The following TMEM40 variants were observed in gnomAD, a reference collection of about 807,000 sequenced individuals.
TMEM40 encodes transmembrane protein 40.
In TMEM40, 34 loss-of-function variants were observed where a neutral mutation model predicts 40.8. The ratio of observed to expected loss-of-function variants is 0.83; its 90% CI spans 0.63 to 1.11. TMEM40 has a LOEUF of 1.11. Ranked by LOEUF, TMEM40 falls within the 50% of genes least tolerant of loss-of-function variation. TMEM40 has a pLI of 0.00. For missense variants in TMEM40, 296 were observed against 280.2 expected (o/e 1.06, Z -0.40); for synonymous variants, 106 against 107.0 (o/e 0.99, Z 0.06).
chr3:12,754,049 G>A (rs1041316609), intron 1 of TMEM40, among the ~76,000 whole-genome samples: 5 of 152,172 alleles, frequency 3.3e-5, no homozygotes, highest in Admixed American at 1.3e-4. Context: ...AGGAATTTGC[G>A]CAGGTCATGG....
chr3:12,757,238 G>A (rs1197603709), intron 1 of TMEM40, among the ~76,000 whole-genome samples: 3 of 152,190 alleles, frequency 2.0e-5, no homozygotes, highest in Non-Finnish European at 2.9e-5. Context: ...GGGAGGCTGA[G>A]GCGGGCGGAT....
chr3:12,753,866 C>A (rs2106618929), intron 1 of TMEM40, among the ~76,000 whole-genome samples: 1 of 152,372 alleles, frequency 6.6e-6, no homozygotes, highest in African/African-American at 2.4e-5. Context: ...TGAGCTTCTG[C>A]TGTCACAGGG....
chr3:12,768,611 T>C (rs1484282431), intron 1 of TMEM40, among the ~76,000 whole-genome samples: 5 of 25,212 alleles, frequency 2.0e-4, no homozygotes, highest in South Asian at 2.3e-3. Flanking sequence ...AGGGTGCTGA[T>C]TGGTGTGTTT....
intron 1 of TMEM40, among the ~76,000 whole-genome samples, chr3:12,768,882 C>G (rs1193454965): frequency 8.2e-6 from 1 of 121,290 alleles, no homozygotes; most frequent in Non-Finnish European, 1.6e-5. Context: ...TGCAGGAGCC[C>G]ATGGCGGGGC....
At position 12,743,930 on chromosome 3, in the gene TMEM40, C is replaced by T. The variant is rs1323817467; in HGVS notation, c.271G>A (p.Ala91Thr). The T allele has an allele frequency of 1.2e-6, 2 of 1,613,048 alleles. No homozygotes were observed. The highest frequency in any genetic ancestry group is 4.5e-5 in the East Asian group (2 of 44,850). The change falls in exon 4 of 12, where the codon GCT (alanine) becomes ACT (threonine). Residue 91 changes from alanine (A) to threonine (T), a missense_variant. Transcript: ENST00000314124. ...ATGKHRRSLG[A>T]GYPHGNGSPG... ...GAGCCGTTCCCGTGGGGGTATCCAG[C>T]CCCCAGGCTCCGTCGATGTTTTCCG...
upstream of TMEM40, among the ~76,000 whole-genome samples, chr3:12,760,683 T>C (rs9814626): frequency 0.05 from 7,590 of 152,232 alleles, 504 homozygotes; most frequent in African/African-American, 0.15. Context: ...ATGTCTATTT[T>C]CTCATTACGT....
At chr3:12,751,214 G>C (rs2061473109) in intron 1 of TMEM40, among the ~76,000 whole-genome samples, 1 of 148,936 alleles carries the variant, frequency 6.7e-6, no homozygotes, top group Non-Finnish European at 1.5e-5. Flanking sequence ...CTTACCCTTG[G>C]ACATTCAGTG....
chr3:12,747,033 C>A (rs188903846), intron 3 of TMEM40, among the ~76,000 whole-genome samples: 1 of 152,070 alleles, frequency 6.6e-6, no homozygotes, highest in Non-Finnish European at 1.5e-5. Flanking sequence ...TTAAATGGGG[C>A]GATGGCTTCC....
At chr3:12,738,524 C>A (rs370464453) in intron 6 of TMEM40, 29 bp downstream of exon 6, 15 of 1,613,468 alleles carry the variant, frequency 9.3e-6, no homozygotes, top group Non-Finnish European at 1.3e-5. Flanking sequence ...CCAGCACCAA[C>A]GACCTCTCTC....
upstream of TMEM40, among the ~76,000 whole-genome samples, chr3:12,760,198 C>T (rs2061559358): frequency 6.6e-6 from 1 of 152,190 alleles, no homozygotes; most frequent in South Asian, 2.1e-4. Context: ...ACACTGGGCT[C>T]CCTGCTCCCC....
At chr3:12,739,867 A>G (rs1209082730) in intron 5 of TMEM40, among the ~76,000 whole-genome samples, 5 of 151,384 alleles carry the variant, frequency 3.3e-5, no homozygotes, top group Admixed American at 3.3e-4. Context: ...TCTGTCATCC[A>G]GGTTGCAGGG....
At chr3:12,735,386 G>A (rs1428076822) in intron 11 of TMEM40, among the ~76,000 whole-genome samples, 169 bp downstream of exon 11, 4 of 151,706 alleles carry the variant, frequency 2.6e-5, no homozygotes, top group African/African-American at 9.7e-5. Flanking sequence ...AGGAAACCGA[G>A]GCTACACGGC....
At position 12,748,778 on chromosome 3, in the gene TMEM40, A is replaced by G. The variant is rs754524080; in HGVS notation, c.88T>C (p.Phe30Leu). Reference sequence around the variant, plus strand: ...CCAGCCTTCCCATCTTGCTTGTGGAAATCTGTCTCTCCATCTACAAGGCAC... The same window carrying G: ...CCAGCCTTCCCATCTTGCTTGTGGAGATCTGTCTCTCCATCTACAAGGCAC... ...TEDVDYGETDFHKQDGKAGLF... is the reference protein window; with the variant it reads ...TEDVDYGETDLHKQDGKAGLF... The change falls in exon 3 of 12, where the codon TTC becomes CTC. Residue 30 changes from phenylalanine (F) to leucine (L), a missense_variant. Coordinates refer to ENST00000314124, the MANE Select transcript of TMEM40 (RefSeq NM_018306.4). 6.2e-7 allele frequency: 1 copy of G among 1,613,936 alleles called. No individual in the cohort carries two copies. The highest frequency in any genetic ancestry group is 8.5e-7 in the Non-Finnish European group (1 of 1,179,920).
intron 5 of TMEM40, chr3:12,738,847 A>G: frequency 2.1e-6 from 1 of 466,854 alleles, no homozygotes; most frequent in Non-Finnish European, 3.9e-6. Context: ...GTTTTCAGGT[A>G]AACTTCCCAA....
At chr3:12,739,888 A>G (rs2061367882) in intron 5 of TMEM40, among the ~76,000 whole-genome samples, 1 of 151,066 alleles carries the variant, frequency 6.6e-6, no homozygotes, top group African/African-American at 2.4e-5. Flanking sequence ...CAATGGCGCA[A>G]TCATGACTCA....
intron 5 of TMEM40, among the ~76,000 whole-genome samples, chr3:12,739,401 C>T (rs535510804): frequency 2.6e-5 from 4 of 152,080 alleles, no homozygotes; most frequent in African/African-American, 9.6e-5. Flanking sequence ...TCTCCTGCCT[C>T]AGCCTCACGA....
chr3:12,769,286 G>A (rs766199459), exon 1 of TMEM40: 2 of 408,934 alleles, frequency 4.9e-6, no homozygotes, highest in Admixed American at 2.5e-5. Flanking sequence ...TCCGGCCTCG[G>A]CCATCCCAGG....
At chr3:12,758,175 G>C (rs141152183) in intron 1 of TMEM40, among the ~76,000 whole-genome samples, 18 of 151,814 alleles carry the variant, frequency 1.2e-4, no homozygotes, top group African/African-American at 4.4e-4. Flanking sequence ...GGTCCCTGAC[G>C]TGCAGCCAGC....
chr3:12,767,750 A>T (rs1471795276), intron 1 of TMEM40, among the ~76,000 whole-genome samples: 1 of 152,154 alleles, frequency 6.6e-6, no homozygotes, highest in Non-Finnish European at 1.5e-5. Flanking sequence ...ACCCAGCACT[A>T]CTGGACTTAA....
Sources: allele counts gnomAD v4.1 joint callset (sites outside exome capture counted in the v4.1 genomes callset), GRCh38; gene constraint gnomAD v4.1.1; transcripts MANE v1.5; gene names NCBI Gene and HGNC (gene_info 2026-07-23, HGNC 2026-07-21).